Variants in ZBTB7C observed in about 807,000 individuals in gnomAD.
ZBTB7C encodes the protein zinc finger and BTB domain-containing protein 7C.
A neutral mutation model predicts 25.7 loss-of-function variants in ZBTB7C; 8 were observed. The ratio of observed to expected loss-of-function variants is 0.31; its 90% CI spans 0.18 to 0.56. The LOEUF (loss-of-function observed/expected upper bound fraction) is 0.56. Ranked by LOEUF, ZBTB7C falls within the 20% of genes least tolerant of loss-of-function variation. ZBTB7C has a pLI of 0.91. For missense variants in ZBTB7C, 824 were observed against 855.2 expected (o/e 0.96, Z 0.46); for synonymous variants, 394 against 369.0 (o/e 1.07, Z -0.78).
At chr18:48,179,539 G>A (rs75214992) in intron 3 of ZBTB7C, among the ~76,000 whole-genome samples, 5,991 of 152,226 alleles carry the variant, frequency 0.039, 154 homozygotes, top group East Asian at 0.1. Context: ...GGGAAGAGCC[G>A]GGAGGAATGT....
At chr18:48,288,187 CA>C in intron 2 of ZBTB7C, among the ~76,000 whole-genome samples, 1 of 152,298 alleles carries the variant, frequency 6.6e-6, no homozygotes, top group East Asian at 1.9e-4. Flanking sequence ...TATAAGAATA[CA>C]AAGATTGCTA....
At chr18:48,276,437 C>A (rs113438320) in intron 2 of ZBTB7C, among the ~76,000 whole-genome samples, 24 of 131,772 alleles carry the variant, frequency 1.8e-4, no homozygotes, top group Admixed American at 2.3e-4. Context: ...TCTCCCAATG[C>A]TATCCCTCCC....
intron 3 of ZBTB7C, among the ~76,000 whole-genome samples, chr18:48,155,952 C>A (rs184896540): frequency 1.2e-3 from 177 of 152,272 alleles, no homozygotes; most frequent in African/African-American, 3.9e-3. Flanking sequence ...ACCCTATAGA[C>A]CCATACTCTC....
chr18:48,148,801 C>T (rs1016786323), intron 3 of ZBTB7C: 2 of 152,190 alleles, frequency 1.3e-5, no homozygotes. Context: ...ATTCTTGCTG[C>T]ACTTATGTAA....
chr18:48,272,698 C>T (rs1162830217), intron 2 of ZBTB7C, among the ~76,000 whole-genome samples: 3 of 152,064 alleles, frequency 2.0e-5, no homozygotes, highest in Non-Finnish European at 4.4e-5. Flanking sequence ...CAAAAACTTG[C>T]ACACTTATGT....
intron 3 of ZBTB7C, among the ~76,000 whole-genome samples, chr18:48,125,968 C>T (rs75435321): frequency 0.013 from 1,920 of 152,266 alleles, 37 homozygotes; most frequent in African/African-American, 0.044. Flanking sequence ...GGCATGCTGG[C>T]GGCAGGGTCA....
intron 1 of ZBTB7C, among the ~76,000 whole-genome samples, chr18:48,397,246 T>G (rs1224888566): frequency 1.3e-5 from 2 of 152,144 alleles, no homozygotes; most frequent in Non-Finnish European, 2.9e-5. Context: ...GAGTTAAGAT[T>G]TGCTGCAATT....
chr18:48,296,097 TGGC>T (rs1390766616), intron 2 of ZBTB7C, among the ~76,000 whole-genome samples: 1 of 152,180 alleles, frequency 6.6e-6, no homozygotes, highest in Non-Finnish European at 1.5e-5. Context: ...CCCCTGAAGA[TGGC>T]CCGTGGCCTG....
intron 2 of ZBTB7C, among the ~76,000 whole-genome samples, chr18:48,193,150 T>A (rs920195540): frequency 1.3e-5 from 2 of 152,232 alleles, no homozygotes; most frequent in African/African-American, 4.8e-5. Flanking sequence ...TGTGAGAAAG[T>A]CAAGTGGGGA....
intron 2 of ZBTB7C, among the ~76,000 whole-genome samples, chr18:48,209,198 C>T (rs923037007): frequency 6.6e-6 from 1 of 152,182 alleles, no homozygotes; most frequent in Non-Finnish European, 1.5e-5. Context: ...CAAGTTGGGA[C>T]CTGTTATTCA....
At chr18:48,163,402 G>C (rs943755700) in intron 3 of ZBTB7C, among the ~76,000 whole-genome samples, 5 of 152,174 alleles carry the variant, frequency 3.3e-5, no homozygotes, top group Admixed American at 6.5e-5. Flanking sequence ...GTAGCAATGT[G>C]GGGGAGAAGC....
chr18:48,162,259 G>A (rs1450047925), intron 3 of ZBTB7C: 3 of 429,028 alleles, frequency 7.0e-6, no homozygotes, highest in Non-Finnish European at 1.4e-5. Context: ...CGGAAACAGA[G>A]CCACGGGGAG....
intron 3 of ZBTB7C, among the ~76,000 whole-genome samples, chr18:48,065,886 C>T (rs11873997): frequency 0.14 from 21,218 of 152,192 alleles, 1,825 homozygotes; most frequent in Middle Eastern, 0.2. Flanking sequence ...TGGGGCAGCT[C>T]ATCTTCCAAT....
chr18:48,122,097 C>T (rs982715909), intron 3 of ZBTB7C, among the ~76,000 whole-genome samples: 4 of 152,138 alleles, frequency 2.6e-5, no homozygotes, highest in African/African-American at 9.7e-5. Flanking sequence ...CCATCTAGAT[C>T]GGGCTGTTCA....
intron 3 of ZBTB7C, among the ~76,000 whole-genome samples, chr18:48,157,073 T>C (rs8092172): frequency 0.03 from 4,496 of 152,074 alleles, 137 homozygotes; most frequent in African/African-American, 0.074. Flanking sequence ...TTTCAAAGGG[T>C]GGGAGAGGGT....
intron 2 of ZBTB7C, among the ~76,000 whole-genome samples, chr18:48,235,942 C>T (rs538606626): frequency 6.6e-6 from 1 of 152,188 alleles, no homozygotes; most frequent in African/African-American, 2.4e-5. Flanking sequence ...CAACTTTACT[C>T]CCCTAATTTG....
At chr18:48,041,645 T>G (rs762207704) in intron 3 of ZBTB7C, 10 of 628,998 alleles carry the variant, frequency 1.6e-5, no homozygotes, top group Non-Finnish European at 2.0e-5. Context: ...TGGCCCATTT[T>G]CAGCAAGTAA....
At chr18:48,166,707 G>T (rs148207088) in intron 3 of ZBTB7C, among the ~76,000 whole-genome samples, 6 of 152,296 alleles carry the variant, frequency 3.9e-5, no homozygotes, top group African/African-American at 1.4e-4. Context: ...CCCCCAAAGC[G>T]TCCAGGGGCC....
At chr18:48,322,059 C>T (rs779193277) in intron 2 of ZBTB7C, among the ~76,000 whole-genome samples, 26 of 152,202 alleles carry the variant, frequency 1.7e-4, no homozygotes, top group Non-Finnish European at 3.5e-4. Context: ...ATCTCCAGGC[C>T]TCCATCCCTG....
Sources: allele counts gnomAD v4.1 joint callset (sites outside exome capture counted in the v4.1 genomes callset), GRCh38; gene constraint gnomAD v4.1.1; transcripts MANE v1.5; gene names NCBI Gene and HGNC (gene_info 2026-07-23, HGNC 2026-07-21).